SHANK2: variants seen among roughly 807,000 people sequenced by gnomAD.
SHANK2 encodes the protein SH3 and multiple ankyrin repeat domains protein 2.
A neutral mutation model predicts 133.7 loss-of-function variants in SHANK2; 43 were observed. The ratio of observed to expected loss-of-function variants is 0.32; its 90% CI spans 0.25 to 0.41. The LOEUF (loss-of-function observed/expected upper bound fraction) is 0.41, where lower values mean the gene tolerates loss of function less well. Among genes scored for constraint, SHANK2 ranks in the 10% least tolerant of loss-of-function variants. The probability of loss-of-function intolerance (pLI) is 1.00; values close to 1 mark genes in which losing one functional copy is unlikely to be tolerated. For missense variants in SHANK2, 1,994 were observed against 2,235.8 expected (o/e 0.89, Z 2.18); for synonymous variants, 1,017 against 952.8 (o/e 1.07, Z -1.24).
At chr11:71,113,852 A>G (rs1951931818) in intron 4 of SHANK2, among the ~76,000 whole-genome samples, 1 of 152,250 alleles carries the variant, frequency 6.6e-6, no homozygotes, top group Non-Finnish European at 1.5e-5. Flanking sequence ...CTCTGCCCAG[A>G]TCGCTGAAGC....
Position 71,147,144 on chromosome 11 carries a change from C to T in SHANK2, c.183G>A (p.Val61=). The change falls in exon 3 of 26, where the codon GTG becomes GTA. Residue 61 remains valine, a synonymous_variant. Transcript: ENST00000601538. ...CCGTCTGCTGCAGGTCATGGATGAC[C>T]ACGCGGATCACCAGCGTGTTGCCCT... The part of the protein sequence containing the change: ...ESQGNTLVIR[V]VIHDLQQTKC... 6.5e-7 allele frequency: 1 copy of T among 1,549,530 alleles called. No homozygotes were observed. Among genetic ancestry groups the T allele is most frequent in the Non-Finnish European group, 8.7e-7 (1 of 1,146,848 alleles).
chr11:70,711,541 C>T (rs782717553), intron 14 of SHANK2, among the ~76,000 whole-genome samples: 44 of 152,230 alleles, frequency 2.9e-4, no homozygotes, highest in East Asian at 1.9e-4. Flanking sequence ...GCAGCAGTGC[C>T]GCAGGCAGGA....
chr11:71,122,258 A>G (rs1310683700), intron 3 of SHANK2, among the ~76,000 whole-genome samples: 3 of 152,250 alleles, frequency 2.0e-5, no homozygotes, highest in African/African-American at 7.2e-5. Context: ...AATGTCCATC[A>G]ATGATAGACT....
chr11:70,856,398 A>G (rs1481181330), intron 11 of SHANK2, among the ~76,000 whole-genome samples: 2 of 151,988 alleles, frequency 1.3e-5, no homozygotes, highest in East Asian at 1.9e-4. Context: ...GAATAGATGA[A>G]TAAATGGATG....
rs1355975150 is a variant in SHANK2, at chr11:70,531,606, C to A, written c.2062-28675G>T. 2.0e-5 allele frequency among the ~76,000 whole-genome samples: 3 copies of A among 152,242 alleles called. No individual in the cohort carries two copies. The East Asian group carries it at 5.8e-4, about 29-fold the overall frequency. On this transcript the variant is annotated intron_variant, in intron 17 of 25. Coordinates refer to ENST00000601538, the MANE Select transcript of SHANK2 (RefSeq NM_012309.5). ...CAAGTCTAGGGCTAAGGTCCCATCTCAGTGTCCCCAGGCCTTGCTGTGTGG... is the reference window on the plus strand; with the variant it reads ...CAAGTCTAGGGCTAAGGTCCCATCTAAGTGTCCCCAGGCCTTGCTGTGTGG...
At chr11:70,531,337 G>T (rs1413211935) in intron 17 of SHANK2, among the ~76,000 whole-genome samples, 2 of 152,250 alleles carry the variant, frequency 1.3e-5, no homozygotes, top group African/African-American at 4.8e-5. Context: ...CTGGGGGCTG[G>T]TGGTGGGGCC....
At chr11:70,805,272 T>G (rs375440022) in intron 13 of SHANK2, among the ~76,000 whole-genome samples, 1 of 152,140 alleles carries the variant, frequency 6.6e-6, no homozygotes, top group Non-Finnish European at 1.5e-5. Flanking sequence ...CTCTTTACAA[T>G]AGGGACAGGC....
At chr11:70,620,295 G>A (rs555524556) in intron 17 of SHANK2, among the ~76,000 whole-genome samples, 36 of 152,324 alleles carry the variant, frequency 2.4e-4, no homozygotes, top group African/African-American at 6.7e-4. Flanking sequence ...TCCCAAGGCA[G>A]AAGAATCATT....
chr11:70,942,123 G>T (rs1269664454), intron 10 of SHANK2, among the ~76,000 whole-genome samples: 6 of 152,248 alleles, frequency 3.9e-5, no homozygotes, highest in African/African-American at 1.4e-4. Context: ...GGAGGCGGAG[G>T]TTGCGGTGAA....
chr11:70,770,337 G>A (rs1947221111), intron 14 of SHANK2, among the ~76,000 whole-genome samples: 1 of 152,226 alleles, frequency 6.6e-6, no homozygotes, highest in Non-Finnish European at 1.5e-5. Context: ...GCCCCTGAGG[G>A]TGACTGGGGT....
At chr11:71,108,530 C>T (rs911110029) in intron 6 of SHANK2, among the ~76,000 whole-genome samples, 1 of 152,194 alleles carries the variant, frequency 6.6e-6, no homozygotes, top group African/African-American at 2.4e-5. Context: ...GATGTCCCTA[C>T]CAACACAAGC....
At chr11:71,243,364 G>A (rs1954917917) in intron 1 of SHANK2, among the ~76,000 whole-genome samples, 1 of 152,194 alleles carries the variant, frequency 6.6e-6, no homozygotes, top group South Asian at 2.1e-4. Context: ...CCAAACTCAG[G>A]AATGAAAGAA....
intron 17 of SHANK2, among the ~76,000 whole-genome samples, chr11:70,584,367 T>G (rs1254484317): frequency 6.6e-6 from 1 of 152,218 alleles, no homozygotes; most frequent in Non-Finnish European, 1.5e-5. Context: ...TTGCTGACCC[T>G]GGAGGGATGG....
chr11:70,512,832 G>A (rs1460247857), intron 17 of SHANK2, among the ~76,000 whole-genome samples: 1 of 152,140 alleles, frequency 6.6e-6, no homozygotes, highest in Non-Finnish European at 1.5e-5. Flanking sequence ...ACATCCTCCA[G>A]TATCTTCTCC....
At chr11:71,104,645 G>A (rs782303090) in intron 6 of SHANK2, among the ~76,000 whole-genome samples, 17 of 152,152 alleles carry the variant, frequency 1.1e-4, no homozygotes, top group Non-Finnish European at 1.5e-5. Flanking sequence ...GTTTCTGAGA[G>A]CACCCACCCT....
intron 13 of SHANK2, 49 bp from the exon 14 acceptor site, chr11:70,798,605 C>T: frequency 1.4e-6 from 1 of 714,940 alleles, no homozygotes; most frequent in East Asian, 2.7e-5. Context: ...ACGTGGAGGG[C>T]CTGAGGTTGA....
chr11:70,746,060 A>G (rs1423902079), intron 14 of SHANK2, among the ~76,000 whole-genome samples: 1 of 152,176 alleles, frequency 6.6e-6, no homozygotes, highest in African/African-American at 2.4e-5. Flanking sequence ...TGAAGGGAAA[A>G]TCACACAGGT....
intron 9 of SHANK2, among the ~76,000 whole-genome samples, chr11:71,058,741 A>G (rs1282455066): frequency 4.6e-5 from 7 of 152,244 alleles, no homozygotes; most frequent in Non-Finnish European, 8.8e-5. Flanking sequence ...TGGACTCAAC[A>G]CTGCACAAAT....
At chr11:70,718,403 G>A (rs1189783393) in intron 14 of SHANK2, among the ~76,000 whole-genome samples, 3 of 152,220 alleles carry the variant, frequency 2.0e-5, no homozygotes, top group African/African-American at 4.8e-5. Flanking sequence ...GGCCCAAGGC[G>A]TGCACTGTGC....
Sources: allele counts gnomAD v4.1 joint callset (sites outside exome capture counted in the v4.1 genomes callset), GRCh38; gene constraint gnomAD v4.1.1; transcripts MANE v1.5; gene names NCBI Gene and HGNC (gene_info 2026-07-23, HGNC 2026-07-21).